Variants in CEP112 observed in about 807,000 individuals in gnomAD.
CEP112 encodes centrosomal protein of 112 kDa.
A neutral mutation model predicts 153.0 loss-of-function variants in CEP112; 127 were observed. That is an observed-to-expected ratio of 0.83 (90% CI 0.72 to 0.96). The LOEUF is 0.96. CEP112 is among the 40% of genes least tolerant of loss of function. The pLI is 0.00. For synonymous variants in CEP112, 358 were observed against 374.4 expected, an observed-to-expected ratio of 0.96 and a Z score of 0.51; for missense variants, 1,089 against 1,101.2, an observed-to-expected ratio of 0.99 and a Z score of 0.16.
chr17:65,678,685 T>C (rs1598289793), intron 24 of CEP112, among the ~76,000 whole-genome samples: 1 of 152,158 alleles, frequency 6.6e-6, no homozygotes, highest in Non-Finnish European at 1.5e-5. Flanking sequence ...CAGTATTCAT[T>C]GCAGGGACGA....
intron 12 of CEP112, among the ~76,000 whole-genome samples, chr17:66,030,473 C>A (rs1332061052): frequency 2.6e-5 from 4 of 152,068 alleles, no homozygotes; most frequent in Admixed American, 6.6e-5. Context: ...AAATCCATAG[C>A]CCCAAAATTG....
intron 21 of CEP112, among the ~76,000 whole-genome samples, chr17:65,820,060 A>AT (rs1275529610): frequency 6.6e-6 from 1 of 152,116 alleles, no homozygotes; most frequent in Non-Finnish European, 1.5e-5. Context: ...TCCCTGTACT[A>AT]TTTTTGTAAC....
intron 12 of CEP112, among the ~76,000 whole-genome samples, chr17:66,038,167 G>A (rs1385267320): frequency 2.6e-5 from 4 of 151,228 alleles, no homozygotes; most frequent in Admixed American, 1.3e-4. Flanking sequence ...TTCAAACAGT[G>A]AACACCTGCC....
intron 12 of CEP112, among the ~76,000 whole-genome samples, chr17:66,051,767 G>A (rs533729141): frequency 1.3e-5 from 2 of 152,306 alleles, no homozygotes; most frequent in South Asian, 2.1e-4. Flanking sequence ...TGGGGAGGTT[G>A]TGAATGGTAA....
chr17:66,121,021 G>A (rs912797130), intron 6 of CEP112, among the ~76,000 whole-genome samples: 2 of 152,154 alleles, frequency 1.3e-5, no homozygotes, highest in African/African-American at 4.8e-5. Context: ...GCTCATGCCT[G>A]TAATCCCAGC....
chr17:66,056,213 CCATATAGTTGGCT>C, intron 11 of CEP112, among the ~76,000 whole-genome samples: 1 of 152,262 alleles, frequency 6.6e-6, no homozygotes, highest in Non-Finnish European at 1.5e-5. Context: ...TCGTCTTTAA[CCATATAGTTGGCT>C]CATGCCAGAG....
At chr17:66,037,410 C>T (rs1459744675) in intron 12 of CEP112, among the ~76,000 whole-genome samples, 4 of 152,098 alleles carry the variant, frequency 2.6e-5, no homozygotes, top group East Asian at 1.9e-4. Flanking sequence ...CTGGCTCTCC[C>T]GTGCTGGTCA....
intron 21 of CEP112, among the ~76,000 whole-genome samples, chr17:65,826,999 G>A (rs947258536): frequency 1.3e-5 from 2 of 152,222 alleles, no homozygotes; most frequent in African/African-American, 4.8e-5. Flanking sequence ...AATAAAGCAG[G>A]CAGAAGAAGG....
intron 23 of CEP112, among the ~76,000 whole-genome samples, chr17:65,736,485 AT>A (rs1448650786): frequency 6.6e-6 from 1 of 152,192 alleles, no homozygotes; most frequent in Non-Finnish European, 1.5e-5. Context: ...TTCAAAATTC[AT>A]TTGTCTGGAA....
At chr17:65,922,783 A>G (rs1417546853) in intron 19 of CEP112, among the ~76,000 whole-genome samples, 1 of 152,166 alleles carries the variant, frequency 6.6e-6, no homozygotes, top group Admixed American at 6.5e-5. Context: ...TGCTTCTAAT[A>G]TTGTTTTTAA....
intron 23 of CEP112, among the ~76,000 whole-genome samples, chr17:65,727,919 A>G (rs1448883484): frequency 6.6e-6 from 1 of 152,194 alleles, no homozygotes; most frequent in African/African-American, 2.4e-5. Flanking sequence ...AGGAAGAGAG[A>G]CTAGCAGAAG....
chr17:66,037,698 C>T (rs1047473810), intron 12 of CEP112, among the ~76,000 whole-genome samples: 3 of 152,056 alleles, frequency 2.0e-5, no homozygotes, highest in African/African-American at 7.2e-5. Context: ...ATTACTTCAT[C>T]AGTAATAGAA....
At chr17:66,020,762 A>T (rs1187451372) in intron 16 of CEP112, among the ~76,000 whole-genome samples, 1 of 152,230 alleles carries the variant, frequency 6.6e-6, no homozygotes. Context: ...TACTTTCTAT[A>T]TCTTATAGCA....
intron 21 of CEP112, among the ~76,000 whole-genome samples, chr17:65,828,602 C>A (rs4791126): frequency 0.99 from 151,188 of 152,306 alleles, 75,047 homozygotes; most frequent in Middle Eastern, 1. Context: ...TTTCTTATTT[C>A]ATTTCTCCAC....
chr17:65,911,098 A>G (rs2060267075), intron 19 of CEP112, among the ~76,000 whole-genome samples: 2 of 152,234 alleles, frequency 1.3e-5, no homozygotes, highest in South Asian at 4.1e-4. Flanking sequence ...GTGATGCTCA[A>G]GCATGCAAAA....
At chr17:65,726,656 A>G (rs2050199587) in intron 23 of CEP112, among the ~76,000 whole-genome samples, 1 of 152,206 alleles carries the variant, frequency 6.6e-6, no homozygotes, top group African/African-American at 2.4e-5. Context: ...TGATGTTATA[A>G]GCAACCCTCT....
At chr17:65,660,249 T>G (rs550957736) in intron 24 of CEP112, among the ~76,000 whole-genome samples, 4 of 112,232 alleles carry the variant, frequency 3.6e-5, no homozygotes, top group Admixed American at 2.5e-4. Flanking sequence ...TTTTTTGTTT[T>G]CTTTCTTTTT....
At chr17:66,056,710 T>G (rs2066705776) in intron 11 of CEP112, among the ~76,000 whole-genome samples, 1 of 152,156 alleles carries the variant, frequency 6.6e-6, no homozygotes, top group East Asian at 1.9e-4. Context: ...AACAGTAGAT[T>G]GATGGTTGAA....
chr17:65,757,323 T>C (rs2052349295), intron 21 of CEP112, among the ~76,000 whole-genome samples: 1 of 152,116 alleles, frequency 6.6e-6, no homozygotes, highest in African/African-American at 2.4e-5. Flanking sequence ...CCAGGAACAA[T>C]GATGGGAGCT....
Sources: gnomAD v4.1 joint callset for allele counts (sites outside exome capture counted in the v4.1 genomes callset) on GRCh38, gnomAD v4.1.1 for gene constraint, MANE v1.5 for transcripts, NCBI Gene and HGNC (gene_info 2026-07-23, HGNC 2026-07-21) for gene names.